The following TUSC3 variants were observed in gnomAD, a reference collection of about 807,000 sequenced individuals.
TUSC3 encodes tumor suppressor candidate 3.
TUSC3 carries 45 observed loss-of-function variants against 44.8 expected under a neutral mutation model. The observed-to-expected ratio is 1.00, with a 90% confidence interval of 0.79 to 1.29. The LOEUF (loss-of-function observed/expected upper bound fraction) is 1.29, where lower values mean the gene tolerates loss of function less well. Ranked by LOEUF, TUSC3 falls within the 50% of genes most tolerant of loss-of-function variation. TUSC3 has a pLI of 0.00. For synonymous variants in TUSC3, 212 were observed against 152.9 expected (o/e 1.39, Z -2.85); for missense variants, 519 against 437.9 (o/e 1.19, Z -1.65).
intron 1 of TUSC3, among the ~76,000 whole-genome samples, chr8:15,599,828 T>C (rs1465814112): frequency 6.6e-6 from 1 of 151,568 alleles, no homozygotes; most frequent in Non-Finnish European, 1.5e-5. Context: ...TTGTAGTGTA[T>C]GTTGAGGTTG....
chr8:15,519,492 C>T (rs546939779), intron 2 of TUSC3, among the ~76,000 whole-genome samples: 1 of 152,252 alleles, frequency 6.6e-6, no homozygotes, highest in South Asian at 2.1e-4. Flanking sequence ...AACCAGGCCA[C>T]ACAGCAGGAG....
chr8:15,638,069 A>G (rs1198451722), intron 2 of TUSC3, among the ~76,000 whole-genome samples: 2 of 152,114 alleles, frequency 1.3e-5, no homozygotes, highest in African/African-American at 2.4e-5. Context: ...TATGTTCCAC[A>G]GTAGCCACTG....
chr8:15,720,237 G>C (rs567749206), intron 6 of TUSC3, among the ~76,000 whole-genome samples: 2,775 of 113,776 alleles, frequency 0.024, 75 homozygotes, highest in African/African-American at 0.07. Flanking sequence ...CACACACAGA[G>C]AGAACATTTC....
intron 8 of TUSC3, among the ~76,000 whole-genome samples, chr8:15,746,446 C>T (rs1811418519): frequency 1.3e-5 from 2 of 152,048 alleles, no homozygotes; most frequent in South Asian, 4.1e-4. Flanking sequence ...ATTAATATTT[C>T]CCAGGTCAGA....
chr8:15,621,507 A>G (rs1015530214), intron 1 of TUSC3, among the ~76,000 whole-genome samples: 1 of 57,666 alleles, frequency 1.7e-5, no homozygotes, highest in East Asian at 5.2e-4. Context: ...AAATACACAT[A>G]AATATATGTA....
At chr8:15,526,123 C>G (rs1047498866) in intron 2 of TUSC3, among the ~76,000 whole-genome samples, 3 of 152,004 alleles carry the variant, frequency 2.0e-5, no homozygotes, top group African/African-American at 7.2e-5. Flanking sequence ...AGCTCCGCCT[C>G]CAGGGTTCCC....
intron 6 of TUSC3, among the ~76,000 whole-genome samples, chr8:15,704,357 C>T (rs1161821896): frequency 6.7e-6 from 1 of 148,678 alleles, no homozygotes; most frequent in Non-Finnish European, 1.5e-5. Flanking sequence ...CGGTGCTGTG[C>T]TGTGGGGCAG....
intron 1 of TUSC3, among the ~76,000 whole-genome samples, chr8:15,543,978 C>T (rs1034307884): frequency 6.6e-6 from 1 of 151,526 alleles, no homozygotes; most frequent in South Asian, 2.1e-4. Context: ...TATGCTTCTT[C>T]GTGAAGACAT....
chr8:15,667,992 T>G (rs9650390), intron 5 of TUSC3, among the ~76,000 whole-genome samples: 25,754 of 151,638 alleles, frequency 0.17, 2,219 homozygotes, highest in South Asian at 0.24. Flanking sequence ...ACCACAGGGC[T>G]ATGGCAACCT....
intron 2 of TUSC3, among the ~76,000 whole-genome samples, chr8:15,517,522 C>CAAAAAAAAA (rs71211049): frequency 7.7e-5 from 6 of 77,552 alleles, no homozygotes; most frequent in South Asian, 5.3e-4. Flanking sequence ...TAGCGTGAGG[C>CAAAAAAAAA]AAAAAAAAAA....
intron 5 of TUSC3, among the ~76,000 whole-genome samples, chr8:15,666,748 ATGT>A: frequency 6.6e-6 from 1 of 151,572 alleles, no homozygotes; most frequent in Non-Finnish European, 1.5e-5. Context: ...CAATGAAATA[ATGT>A]TGTTTTTGGA....
intron 2 of TUSC3, among the ~76,000 whole-genome samples, chr8:15,511,749 A>G (rs190078951): frequency 1.6e-4 from 25 of 152,244 alleles, no homozygotes; most frequent in South Asian, 6.2e-4. Context: ...GGGTGCCTAT[A>G]ATCCCAGATA....
At chr8:15,574,335 G>A (rs1803006900) in intron 1 of TUSC3, among the ~76,000 whole-genome samples, 1 of 152,032 alleles carries the variant, frequency 6.6e-6, no homozygotes, top group Non-Finnish European at 1.5e-5. Context: ...TAAATATGAT[G>A]AGTATGGGTA....
chr8:15,575,155 A>C (rs2129144555), intron 1 of TUSC3, among the ~76,000 whole-genome samples: 1 of 120,068 alleles, frequency 8.3e-6, no homozygotes, highest in Middle Eastern at 4.5e-3. Context: ...ATTTTGCGAT[A>C]GATGTATTTT....
intron 1 of TUSC3, among the ~76,000 whole-genome samples, chr8:15,466,572 C>G (rs1474400127): frequency 1.3e-5 from 2 of 152,014 alleles, no homozygotes; most frequent in African/African-American, 4.8e-5. Flanking sequence ...TGGTTTTTAT[C>G]CTTAATATTT....
the TUSC3 span, among the ~76,000 whole-genome samples, chr8:15,817,999 G>C: frequency 3.8e-3 from 578 of 152,280 alleles, 2 homozygotes; most frequent in African/African-American, 0.013. Flanking sequence ...AAGCTGGAGA[G>C]ACTGTGATGA....
chr8:15,833,827 C>T, the TUSC3 span, among the ~76,000 whole-genome samples: 1 of 128,934 alleles, frequency 7.8e-6, no homozygotes, highest in Non-Finnish European at 1.7e-5. Context: ...CACATGTACC[C>T]CTGAACTTAA....
intron 1 of TUSC3, among the ~76,000 whole-genome samples, chr8:15,613,053 A>G (rs992972580): frequency 1.5e-4 from 15 of 100,950 alleles, no homozygotes; most frequent in Admixed American, 4.3e-4. Flanking sequence ...TATAAGCCAT[A>G]TTATATATAT....
chr8:15,554,856 C>A (rs1270189314), intron 1 of TUSC3, among the ~76,000 whole-genome samples: 2 of 151,092 alleles, frequency 1.3e-5, no homozygotes, highest in African/African-American at 4.8e-5. Flanking sequence ...CCACCTGCCT[C>A]AACCTCCCAA....
Sources: allele counts gnomAD v4.1 joint callset (sites outside exome capture counted in the v4.1 genomes callset), GRCh38; gene constraint gnomAD v4.1.1; transcripts MANE v1.5; gene names NCBI Gene and HGNC (gene_info 2026-07-23, HGNC 2026-07-21).